Variants in FEZ2 observed in about 807,000 individuals in gnomAD.
FEZ2 encodes fasciculation and elongation protein zeta-2.
FEZ2 carries 51 observed loss-of-function variants against 40.4 expected under a neutral mutation model. The observed-to-expected ratio is 1.26, with a 90% CI of 1.01 to 1.59. FEZ2 has a LOEUF of 1.59. FEZ2 is among the 40% of genes most tolerant of loss of function. The probability of loss-of-function intolerance (pLI) is 0.00; values close to 1 mark genes in which losing one functional copy is unlikely to be tolerated. For missense variants in FEZ2, 640 were observed against 438.3 expected, an observed-to-expected ratio of 1.46 and a Z score of -4.11; for synonymous variants, 242 against 172.0, an observed-to-expected ratio of 1.41 and a Z score of -3.18.
intron 5 of FEZ2, among the ~76,000 whole-genome samples, chr2:36,568,901 C>A (rs890244385): frequency 4.6e-5 from 7 of 152,122 alleles, no homozygotes; most frequent in African/African-American, 1.7e-4. Flanking sequence ...AATGTATAAA[C>A]AGGATATAGA....
At chr2:36,572,017 GAAAAAAAAAA>G (rs34787798) in intron 5 of FEZ2, among the ~76,000 whole-genome samples, 32 of 110,116 alleles carry the variant, frequency 2.9e-4, no homozygotes, top group South Asian at 1.7e-3. Flanking sequence ...TCCGTCTCAG[GAAAAAAAAAA>G]AAAAAAAAAA....
Position 36,552,983 on chromosome 2 carries a change from C to T in FEZ2, c.*180G>A. ...CCATCTCTAGAATTCAAAATAGTGC[C>T]CATATTTCCGTTGGTTCTATAATAT... On this transcript the variant is annotated 3_prime_UTR_variant, in exon 8 of 8. Coordinates refer to ENST00000405912, the MANE Select transcript of FEZ2 (RefSeq NM_005102.3). 7.6e-6 allele frequency: 4 copies of T among 524,778 alleles called. No individual in the cohort carries two copies. Among genetic ancestry groups the T allele is most frequent in the Admixed American group, 3.6e-5 (1 of 28,034 alleles). The allele number at this position is 524,778 out of a possible 1,614,324, so 32.5% of individuals were successfully genotyped here.
rs139748075 is a variant in FEZ2 at position 36,592,276 on chromosome 2, AT to A, written c.267-1266del. Among the ~76,000 whole-genome samples the A allele has an allele frequency of 7.8e-3, 1,181 of 150,740 alleles. 18 individuals carry two copies. Among genetic ancestry groups the A allele is most frequent in the Middle Eastern group, 0.02 (6 of 294 alleles). ...GGCTGGGGCATAAACATAAGAATGAATTTTTTTTTTAAGTTCCGGGGTACAT... is the reference window on the plus strand; with the variant it reads ...GGCTGGGGCATAAACATAAGAATGAATTTTTTTTTAAGTTCCGGGGTACAT... On this transcript the variant is annotated intron_variant, in intron 1 of 7. Transcript: ENST00000405912.
chr2:36,579,909 T>C (rs929793242), intron 4 of FEZ2, among the ~76,000 whole-genome samples: 2 of 152,022 alleles, frequency 1.3e-5, no homozygotes, highest in African/African-American at 4.8e-5. Context: ...AAGAGGTAAA[T>C]TAAGGTTAAA....
intron 5 of FEZ2, among the ~76,000 whole-genome samples, chr2:36,568,138 A>G (rs2125226528): frequency 6.6e-6 from 1 of 151,774 alleles, no homozygotes; most frequent in East Asian, 2.0e-4. Context: ...CTATGCTTAA[A>G]TTTTATAAGT....
chr2:36,597,089 C>T (rs1296542624), intron 1 of FEZ2, among the ~76,000 whole-genome samples: 1 of 152,048 alleles, frequency 6.6e-6, no homozygotes, highest in African/African-American at 2.4e-5. Flanking sequence ...GCGATCGTTA[C>T]CATCAGTAAG....
intron 2 of FEZ2, 162 bp downstream of exon 2, chr2:36,590,741 G>A: frequency 1.8e-6 from 1 of 555,676 alleles, no homozygotes; most frequent in Non-Finnish European, 3.2e-6. Context: ...CCAGCAAGGT[G>A]ATGGCCCTAC....
chr2:36,570,887 A>T (rs1668390160), intron 5 of FEZ2, among the ~76,000 whole-genome samples: 2 of 152,226 alleles, frequency 1.3e-5, no homozygotes, highest in Non-Finnish European at 2.9e-5. Context: ...ATGTGGCACA[A>T]GACTGTATAC....
intron 1 of FEZ2, among the ~76,000 whole-genome samples, chr2:36,595,785 T>C (rs754173558): frequency 6.6e-6 from 1 of 152,180 alleles, no homozygotes; most frequent in Non-Finnish European, 1.5e-5. Flanking sequence ...AAAAGAGATT[T>C]CATATGCATT....
At chr2:36,573,948 A>C (rs940107411) in intron 5 of FEZ2, among the ~76,000 whole-genome samples, 2 of 152,256 alleles carry the variant, frequency 1.3e-5, no homozygotes, top group African/African-American at 4.8e-5. Flanking sequence ...AAAGCCATTT[A>C]AAACTCTATA....
intron 5 of FEZ2, among the ~76,000 whole-genome samples, chr2:36,565,227 C>G (rs917665003): frequency 2.0e-5 from 3 of 152,236 alleles, no homozygotes; most frequent in African/African-American, 7.2e-5. Context: ...ATCGCTGCAA[C>G]AGCCTCCTAA....
At chr2:36,566,825 CAG>C (rs1205759012) in intron 5 of FEZ2, among the ~76,000 whole-genome samples, 4 of 152,214 alleles carry the variant, frequency 2.6e-5, no homozygotes, top group African/African-American at 9.7e-5. Context: ...ACCTGTAAAA[CAG>C]ATGATTAAAT....
Position 36,598,090 on chromosome 2 carries a change from CG to C in FEZ2, c.52del (p.Arg18GlyfsTer41), listed in dbSNP as rs1669296583. 3 of 1,496,740 alleles carry C rather than the reference CG, an allele frequency of 2.0e-6. No individual in the cohort carries two copies. The East Asian group carries it at 8.6e-5, about 43-fold the overall frequency. 92.7% of individuals were successfully genotyped at this position (1,496,740 alleles called of 1,614,324 possible). ...ACAGTTCTCCTGGTCCAGGAGGCTC[CG>C]GGCCGGCTCCTGGAACTCATAGAAA... ...QDFYEFQEPA[R>X]SLLDQENCNA... On this transcript the variant is annotated frameshift_variant, in exon 1 of 8. Coordinates refer to ENST00000405912, the MANE Select transcript of FEZ2 (RefSeq NM_005102.3). LOFTEE classifies it high-confidence loss of function.
Position 36,581,303 on chromosome 2 carries a change from G to A in FEZ2, c.621C>T (p.Gly207=), listed in dbSNP as rs762182519. 1 of 1,613,734 alleles carries A rather than the reference G, an allele frequency of 6.2e-7. No homozygotes were observed. Among genetic ancestry groups the A allele is most frequent in the Admixed American group, 1.7e-5 (1 of 60,018 alleles). ...AGGCTCCCTTACTCTCTTCATAACT[G>A]CCGGTACTAGACCTCTTGAGAGTTT... ...EIQTLKRSST[G]SYEERVKRLS... The change falls in exon 4 of 8, where the codon GGC becomes GGT. Residue 207 remains glycine, a synonymous_variant. Coordinates refer to ENST00000405912, the MANE Select transcript of FEZ2 (RefSeq NM_005102.3).
Position 36,581,213 on chromosome 2 carries a change from T to C in FEZ2, c.634+77A>G, listed in dbSNP as rs1668732595. On this transcript the variant is annotated intron_variant, in intron 4 of 7. Transcript: ENST00000405912. ...AACAGAAGGAGGATGAAATCAAAGCTTTCTGGAGATGATCATACTATACAT... is the reference window on the plus strand; with the variant it reads ...AACAGAAGGAGGATGAAATCAAAGCCTTCTGGAGATGATCATACTATACAT... 2.3e-5 allele frequency: 30 copies of C among 1,309,768 alleles called. No individual in the cohort carries two copies. The South Asian group carries it at 3.7e-4, about 16-fold the overall frequency. The allele number at this position is 1,309,768 out of a possible 1,614,324, so 81.1% of individuals were successfully genotyped here. A position where few individuals can be genotyped will look rare whatever the true frequency, so the allele number is the denominator to read the frequency against.
At chr2:36,596,248 C>T (rs989241446) in intron 1 of FEZ2, among the ~76,000 whole-genome samples, 1 of 152,212 alleles carries the variant, frequency 6.6e-6, no homozygotes. Flanking sequence ...TGCACCACTG[C>T]TCAGCCATGT....
At position 36,581,327 on chromosome 2, in the gene FEZ2, T is replaced by G. The variant is rs755921231; in HGVS notation, c.597A>C (p.Gln199His). Residue 199 changes from glutamine (Q) to histidine (H), a missense_variant, in exon 4 of 8, where the codon CAA becomes CAC. Gln to His is a conservative substitution (Grantham distance 24). Transcript: ENST00000405912. ...DRLSMLSQEI[Q>H]TLKRSSTGSY... ...TGCCGGTACTAGACCTCTTGAGAGT[T>G]TGAATTTCCTGGGAAAGCATTGAAA... The G allele has an allele frequency of 2.5e-6, 4 of 1,613,788 alleles. No individual in the cohort carries two copies. The highest frequency in any genetic ancestry group is 1.7e-5 in the Admixed American group (1 of 60,002).
chr2:36,556,118 G>A (rs957940040), intron 6 of FEZ2: 6 of 452,128 alleles, frequency 1.3e-5, no homozygotes, highest in Non-Finnish European at 2.2e-5. Flanking sequence ...ACTCTGTGCA[G>A]CAAGAAAACC....
chr2:36,564,929 A>G (rs940239229), intron 5 of FEZ2, among the ~76,000 whole-genome samples: 5 of 152,198 alleles, frequency 3.3e-5, no homozygotes, highest in African/African-American at 1.2e-4. Context: ...AATGTGTTGC[A>G]ATGGCTGGCT....
Sources: allele counts gnomAD v4.1 joint callset (sites outside exome capture counted in the v4.1 genomes callset), GRCh38; gene constraint gnomAD v4.1.1; transcripts MANE v1.5; gene names NCBI Gene and HGNC (gene_info 2026-07-23, HGNC 2026-07-21).